SND1: variants seen among roughly 807,000 people sequenced by gnomAD.
The protein encoded by SND1 is staphylococcal nuclease domain-containing protein 1.
SND1 carries 38 observed loss-of-function variants against 121.7 expected under a neutral mutation model. That is an observed-to-expected ratio of 0.31 (90% CI 0.24 to 0.41). The LOEUF is 0.41. Among genes scored for constraint, SND1 ranks in the 10% least tolerant of loss-of-function variants. The pLI is 1.00. For missense variants in SND1, 868 were observed against 1,184.6 expected (o/e 0.73, Z 3.92); for synonymous variants, 401 against 447.4 (o/e 0.90, Z 1.31).
At chr7:127,707,471 G>C in intron 8 of SND1, 86 bp from the exon 9 acceptor site, 2 of 993,526 alleles carry the variant, frequency 2.0e-6, no homozygotes, top group Non-Finnish European at 3.2e-6. Flanking sequence ...GGGTAGAGTA[G>C]GATGCTGCAC....
At chr7:127,738,202 G>A (rs926950817) in intron 10 of SND1, among the ~76,000 whole-genome samples, 4 of 151,404 alleles carry the variant, frequency 2.6e-5, no homozygotes, top group African/African-American at 7.3e-5. Flanking sequence ...GGACTGGTAG[G>A]TACATTGATT....
intron 10 of SND1, among the ~76,000 whole-genome samples, chr7:127,778,419 G>A (rs571388316): frequency 2.6e-5 from 4 of 152,188 alleles, no homozygotes; most frequent in East Asian, 1.9e-4. Flanking sequence ...GGATGGTCTC[G>A]ATCTCCTGAC....
chr7:127,793,934 A>G (rs1385312565), intron 10 of SND1, among the ~76,000 whole-genome samples: 1 of 152,184 alleles, frequency 6.6e-6, no homozygotes, highest in African/African-American at 2.4e-5. Context: ...CCCTTCACAC[A>G]GTGGGGCAAG....
intron 2 of SND1, among the ~76,000 whole-genome samples, chr7:127,688,733 TA>T (rs1249911592): frequency 1.2e-3 from 160 of 133,696 alleles, no homozygotes; most frequent in East Asian, 9.3e-3. Flanking sequence ...AAAAAAATAA[TA>T]AAAAAAAAAA....
At chr7:127,944,128 A>G (rs1245168191) in intron 15 of SND1, among the ~76,000 whole-genome samples, 1 of 152,240 alleles carries the variant, frequency 6.6e-6, no homozygotes, top group African/African-American at 2.4e-5. Flanking sequence ...CTCACCAGCT[A>G]TCTGAAGTGC....
intron 12 of SND1, among the ~76,000 whole-genome samples, chr7:127,851,313 A>G (rs758513991): frequency 6.6e-6 from 1 of 152,216 alleles, no homozygotes; most frequent in Non-Finnish European, 1.5e-5. Context: ...CAGTTTCCCA[A>G]AGTGTACCAT....
At position 127,733,127 on chromosome 7, in the gene SND1, T is replaced by A. The variant is rs1471773644; in HGVS notation, c.1152+11727T>A. On this transcript the variant is annotated intron_variant, in intron 10 of 23. Transcript: ENST00000354725. Reference sequence around the variant, plus strand: ...CTCCCCCTAGCTTGGTCTTCATTATTACTGTCTTGGTGTTGGTCAGGATTA... The same window carrying A: ...CTCCCCCTAGCTTGGTCTTCATTATAACTGTCTTGGTGTTGGTCAGGATTA... 2.0e-5 allele frequency among the ~76,000 whole-genome samples: 3 copies of A among 152,288 alleles called. No individual in the cohort carries two copies. The East Asian group carries it at 5.8e-4, about 29-fold the overall frequency.
intron 11 of SND1, among the ~76,000 whole-genome samples, chr7:127,825,467 G>A (rs2116613319): frequency 6.6e-6 from 1 of 151,262 alleles, no homozygotes; most frequent in South Asian, 2.1e-4. Flanking sequence ...AAGTGTAGTG[G>A]TATGATCTTG....
chr7:127,675,052 T>G (rs1163726469), intron 1 of SND1, among the ~76,000 whole-genome samples: 1 of 152,126 alleles, frequency 6.6e-6, no homozygotes, highest in Non-Finnish European at 1.5e-5. Flanking sequence ...AATACAAAAA[T>G]TAGCTGCACT....
intron 13 of SND1, among the ~76,000 whole-genome samples, 176 bp downstream of exon 13, chr7:127,888,188 TTTTG>T (rs1324622722): frequency 2.0e-5 from 3 of 152,276 alleles, no homozygotes; most frequent in East Asian, 1.9e-4. Context: ...TGCTGTCTAA[TTTTG>T]TTTAAGTGCA....
chr7:127,963,231 C>A (rs1299832173), intron 15 of SND1, among the ~76,000 whole-genome samples: 1 of 149,720 alleles, frequency 6.7e-6, no homozygotes, highest in Non-Finnish European at 1.5e-5. Context: ...AGAGATAAGA[C>A]TAGAGCGGCA....
chr7:127,856,225 C>A (rs754443185), intron 12 of SND1, among the ~76,000 whole-genome samples: 5 of 152,158 alleles, frequency 3.3e-5, no homozygotes, highest in African/African-American at 1.2e-4. Context: ...TTAATAAAAA[C>A]AGTATATTGG....
intron 16 of SND1, among the ~76,000 whole-genome samples, chr7:128,017,543 T>C (rs1345065613): frequency 6.6e-6 from 1 of 152,222 alleles, no homozygotes; most frequent in African/African-American, 2.4e-5. Flanking sequence ...CCTAGCTGAC[T>C]CTTCCCTGGT....
At chr7:127,974,568 A>G (rs989533227) in intron 15 of SND1, among the ~76,000 whole-genome samples, 1 of 152,154 alleles carries the variant, frequency 6.6e-6, no homozygotes, top group Non-Finnish European at 1.5e-5. Flanking sequence ...TACTGACATT[A>G]TTTAGGTGAT....
chr7:127,956,601 T>C (rs191789066), intron 15 of SND1, among the ~76,000 whole-genome samples: 1 of 152,322 alleles, frequency 6.6e-6, no homozygotes, highest in African/African-American at 2.4e-5. Flanking sequence ...AGCAGATCCC[T>C]AAGTCCTGTT....
intron 1 of SND1, among the ~76,000 whole-genome samples, chr7:127,681,082 T>C (rs923947711): frequency 6.6e-6 from 1 of 152,148 alleles, no homozygotes; most frequent in African/African-American, 2.4e-5. Context: ...TTGAGAAACC[T>C]CCAGACTCTT....
At chr7:127,840,469 C>T (rs932501496) in intron 11 of SND1, among the ~76,000 whole-genome samples, 5 of 152,232 alleles carry the variant, frequency 3.3e-5, no homozygotes, top group African/African-American at 9.6e-5. Flanking sequence ...AAAATACTTG[C>T]ATACAAAACA....
chr7:127,964,429 G>T (rs1333717866), intron 15 of SND1, among the ~76,000 whole-genome samples: 1 of 148,016 alleles, frequency 6.8e-6, no homozygotes, highest in African/African-American at 2.5e-5. Context: ...ATTGATTTTT[G>T]TATAAGGTGT....
chr7:127,717,616 T>G (rs1037889778), intron 9 of SND1, among the ~76,000 whole-genome samples: 2 of 151,866 alleles, frequency 1.3e-5, no homozygotes, highest in Admixed American at 6.6e-5. Flanking sequence ...CCTTAGGGAG[T>G]GGGAAAAACA....
Sources: allele counts gnomAD v4.1 joint callset (sites outside exome capture counted in the v4.1 genomes callset), GRCh38; gene constraint gnomAD v4.1.1; transcripts MANE v1.5; gene names NCBI Gene and HGNC (gene_info 2026-07-23, HGNC 2026-07-21).